Variants in STAB2 observed in about 807,000 individuals in gnomAD.
STAB2 encodes the protein stabilin 2.
Under a neutral mutation model 338.1 loss-of-function variants are expected in STAB2, and 288 were observed. The observed-to-expected ratio is 0.85, with a 90% CI of 0.77 to 0.94. The LOEUF is 0.94. Among genes scored for constraint, STAB2 ranks in the 40% least tolerant of loss-of-function variants. The pLI, the probability that STAB2 is intolerant of heterozygous loss-of-function variation, is 0.00. For synonymous variants in STAB2, 1,202 were observed against 1,193.3 expected (o/e 1.01, Z -0.15); for missense variants, 3,141 against 3,210.1 (o/e 0.98, Z 0.52).
At chr12:103,645,397 G>A (rs1873255491) in intron 9 of STAB2, among the ~76,000 whole-genome samples, 1 of 152,180 alleles carries the variant, frequency 6.6e-6, no homozygotes, top group African/African-American at 2.4e-5. Context: ...TGATTCTCCT[G>A]CAATCCTTAG....
chr12:103,746,957 T>C lies in STAB2; in HGVS notation c.6244+253T>C, dbSNP rs865899843. 6.4e-3 allele frequency among the ~76,000 whole-genome samples: 951 copies of C among 148,906 alleles called. 11 individuals carry two copies. Among genetic ancestry groups the C allele is most frequent in the African/African-American group, 0.022 (895 of 40,496 alleles). On this transcript the variant is annotated intron_variant, in intron 58 of 68. Transcript: ENST00000388887. ...TTAGAATGTTTTTCTTTCTTTTTTT[T>C]TTTTTTTTTTTTTTCCGAGATGGAC...
chr12:103,613,705 G>C (rs1038045565), intron 3 of STAB2, among the ~76,000 whole-genome samples: 1 of 152,162 alleles, frequency 6.6e-6, no homozygotes. Context: ...TGCACCCACT[G>C]TCTGACAATC....
Position 103,717,804 on chromosome 12 carries a change from A to G in STAB2, c.4646A>G (p.Asp1549Gly), listed in dbSNP as rs1177127798. 5.6e-6 allele frequency: 9 copies of G among 1,613,942 alleles called. No individual in the cohort carries two copies. Among genetic ancestry groups the G allele is most frequent in the East Asian group, 2.2e-5 (1 of 44,896 alleles). The change falls in exon 44 of 69, where the codon GAT (aspartate) becomes GGT (glycine). Residue 1549 changes from aspartate to glycine, a missense_variant. Asp to Gly is a moderately conservative substitution (Grantham distance 94). Transcript: ENST00000388887. The part of the protein sequence containing the change: ...ACNCLPAYTG[D>G]GKVCTLINVC... ...AACTGTTTGCCAGCATACACTGGAG[A>G]TGGAAAGGTCTGCACACTCATCAAT...
intron 18 of STAB2, among the ~76,000 whole-genome samples, chr12:103,664,309 A>G (rs549235431): frequency 7.2e-5 from 11 of 152,060 alleles, no homozygotes; most frequent in Non-Finnish European, 1.5e-4. Context: ...ACGCCCGGCT[A>G]ATTTTTTTGT....
At chr12:103,603,363 C>T (rs1956982643) in intron 3 of STAB2, among the ~76,000 whole-genome samples, 2 of 152,240 alleles carry the variant, frequency 1.3e-5, no homozygotes, top group Admixed American at 6.5e-5. Flanking sequence ...AGCCACCGCA[C>T]CGGCCTATTC....
chr12:103,678,876 C>T (rs1452074989), intron 25 of STAB2, among the ~76,000 whole-genome samples: 1 of 152,152 alleles, frequency 6.6e-6, no homozygotes. Context: ...TAGGGCCTCC[C>T]TCTGTGGCTT....
intron 6 of STAB2, among the ~76,000 whole-genome samples, chr12:103,633,647 A>C (rs1957500266): frequency 6.6e-6 from 1 of 152,134 alleles, no homozygotes; most frequent in Admixed American, 6.5e-5. Flanking sequence ...ACACCATTGC[A>C]CTCCAGCCTG....
rs146793550 is a variant in STAB2 at position 103,674,273 on chromosome 12, T to G, written c.2552+186T>G. Among the ~76,000 whole-genome samples, 729 of 152,290 alleles carry G rather than the reference T, an allele frequency of 4.8e-3. 6 individuals carry two copies. The highest frequency in any genetic ancestry group is 0.017 in the African/African-American group (694 of 41,558). On this transcript the variant is annotated intron_variant, in intron 23 of 68. Coordinates refer to ENST00000388887, the MANE Select transcript of STAB2 (RefSeq NM_017564.10). ...ACCTCAGTCTGAGCTGGGTTTCAAT[T>G]GCAGCACTCCCTGCTTTGAAACTTA...
At chr12:103,666,012 C>A (rs755598) in intron 18 of STAB2, among the ~76,000 whole-genome samples, 83,449 of 152,098 alleles carry the variant, frequency 0.55, 24,187 homozygotes, top group East Asian at 0.8. Flanking sequence ...GCTGGGAGCC[C>A]GTGGACAGGC....
At position 103,750,708 on chromosome 12, in the gene STAB2, C is replaced by T. The variant is rs1486894009; in HGVS notation, c.6568C>T (p.Leu2190Phe). 2 of 1,613,434 alleles carry T rather than the reference C, an allele frequency of 1.2e-6. No individual in the cohort carries two copies. Among genetic ancestry groups the T allele is most frequent in the African/African-American group, 2.7e-5 (2 of 74,950 alleles). Residue 2190 changes from leucine to phenylalanine, a missense_variant, in exon 60 of 69, where the codon CTC becomes TTC. Transcript: ENST00000388887. Reference sequence around the variant, plus strand: ...CCATGCAGACGCCAAATGTGTCGACCTCCACTTCCAGGGTTAGTGTGACCA... The same window carrying T: ...CCATGCAGACGCCAAATGTGTCGACTTCCACTTCCAGGGTTAGTGTGACCA... ...QCHADAKCVD[L>F]HFQDTTVGVF... is the part of the protein sequence containing the mutation.
chr12:103,597,909 G>C lies in STAB2; in HGVS notation c.331+3399G>C, dbSNP rs533859333. Reference sequence around the variant, plus strand: ...CAAAACAATCTGATTATTTCAAAAAGAAATAGTCTTGATTTTTCTTTTTTA... The same window carrying C: ...CAAAACAATCTGATTATTTCAAAAACAAATAGTCTTGATTTTTCTTTTTTA... On this transcript the variant is annotated intron_variant, in intron 3 of 68. Transcript: ENST00000388887. Among the ~76,000 whole-genome samples the C allele has an allele frequency of 2.2e-4, 34 of 152,174 alleles. No individual in the cohort carries two copies. The East Asian group carries it at 6.4e-3, about 28-fold the overall frequency.
chr12:103,698,185 C>T (rs1878564413), intron 33 of STAB2, among the ~76,000 whole-genome samples: 1 of 152,110 alleles, frequency 6.6e-6, no homozygotes, highest in African/African-American at 2.4e-5. Flanking sequence ...TAATAGGGAG[C>T]CCCTTGCAAA....
At position 103,703,207 on chromosome 12, in the gene STAB2, C is replaced by A; in HGVS notation, c.3774C>A (p.Ile1258=). 6.2e-7 allele frequency: 1 copy of A among 1,614,010 alleles called. No homozygotes were observed. Among genetic ancestry groups the A allele is most frequent in the South Asian group, 1.1e-5 (1 of 91,078 alleles). Residue 1258 remains isoleucine (I), a synonymous_variant, in exon 35 of 69, where the codon ATC becomes ATA. Coordinates refer to ENST00000388887, the MANE Select transcript of STAB2 (RefSeq NM_017564.10). ...YTNVATDKGV[I]HGLGKVLEIQ... ...ATGTAGCCACTGATAAGGGAGTGAT[C>A]CATGGCTTGGGAAAAGTTCTGGAAA... is the stretch of plus-strand genomic sequence containing the variant.
At chr12:103,626,317 A>T (rs1593156682) in intron 5 of STAB2, among the ~76,000 whole-genome samples, 1 of 152,204 alleles carries the variant, frequency 6.6e-6, no homozygotes. Flanking sequence ...GCTCGTGGCT[A>T]CCAAATTAGA....
intron 18 of STAB2, among the ~76,000 whole-genome samples, chr12:103,664,547 G>A (rs866323485): frequency 7.9e-5 from 12 of 152,164 alleles, no homozygotes; most frequent in Admixed American, 3.9e-4. Context: ...ACAATAATAG[G>A]TCTGGGTCTT....
chr12:103,654,711 A>C lies in STAB2; in HGVS notation c.1551+13A>C. 6.2e-7 allele frequency: 1 copy of C among 1,612,468 alleles called. No individual in the cohort carries two copies. The highest frequency in any genetic ancestry group is 8.5e-7 in the Non-Finnish European group (1 of 1,179,304). On this transcript the variant is annotated intron_variant, in intron 13 of 68. Transcript: ENST00000388887. The stretch of plus-strand genomic sequence containing the variant: ...GAGCAACAATGAGGTGAGTATTCAG[A>C]TAAAAGTCACATCAGGCCAGGTCCA...
intron 4 of STAB2, 53 bp from the exon 5 acceptor site, chr12:103,621,989 T>A: frequency 6.3e-7 from 1 of 1,584,346 alleles, no homozygotes; most frequent in Non-Finnish European, 8.6e-7. Flanking sequence ...AGGCCTTCCT[T>A]GGTACCATGG....
chr12:103,732,291 AGAGT>A (rs1369817761), intron 50 of STAB2, among the ~76,000 whole-genome samples: 1 of 152,212 alleles, frequency 6.6e-6, no homozygotes, highest in Non-Finnish European at 1.5e-5. Flanking sequence ...CCGGGGTGAC[AGAGT>A]GAGACTCCAT....
At position 103,680,015 on chromosome 12, in the gene STAB2, TA is replaced by T. The variant is rs531297788; in HGVS notation, c.2805+2406del. On this transcript the variant is annotated intron_variant, in intron 25 of 68. Transcript: ENST00000388887. ...CTTGAAGCTGTGTTGCTAAGTGAAA[TA>T]AGCCAGAGACAGAAGGACAAATACT... 4.6e-5 allele frequency among the ~76,000 whole-genome samples: 7 copies of T among 152,278 alleles called. No homozygotes were observed. The East Asian group carries it at 1.4e-3, about 29-fold the overall frequency.
Sources: allele counts gnomAD v4.1 joint callset (sites outside exome capture counted in the v4.1 genomes callset), GRCh38; gene constraint gnomAD v4.1.1; transcripts MANE v1.5; gene names NCBI Gene and HGNC (gene_info 2026-07-23, HGNC 2026-07-21).